Variants in SRGAP3 observed in about 807,000 individuals in gnomAD.
The protein encoded by SRGAP3 is SLIT-ROBO Rho GTPase activating protein 3, also known as SLIT-ROBO Rho GTPase-activating protein 3.
Under a neutral mutation model 121.1 loss-of-function variants are expected in SRGAP3, and 39 were observed. That is an observed-to-expected ratio of 0.32 (90% CI 0.25 to 0.42). The LOEUF is 0.42. Among genes scored for constraint, SRGAP3 ranks in the 10% least tolerant of loss-of-function variants. The pLI is 1.00. For missense variants in SRGAP3, 1,213 were observed against 1,470.6 expected, an observed-to-expected ratio of 0.82 and a Z score of 2.86; for synonymous variants, 601 against 570.0, an observed-to-expected ratio of 1.05 and a Z score of -0.77.
intron 1 of SRGAP3, among the ~76,000 whole-genome samples, chr3:9,182,711 T>C (rs879816284): frequency 2.0e-5 from 3 of 152,206 alleles, no homozygotes; most frequent in Non-Finnish European, 4.4e-5. Flanking sequence ...TGGAGTACAG[T>C]GGCACAATCA....
At chr3:9,043,699 A>T (rs1945124734) in intron 10 of SRGAP3, among the ~76,000 whole-genome samples, 1 of 152,106 alleles carries the variant, frequency 6.6e-6, no homozygotes, top group Non-Finnish European at 1.5e-5. Flanking sequence ...GGATTTTAAA[A>T]ATATATTTTA....
At chr3:9,160,767 T>C (rs1466860013) in intron 1 of SRGAP3, among the ~76,000 whole-genome samples, 2 of 152,234 alleles carry the variant, frequency 1.3e-5, no homozygotes, top group Non-Finnish European at 1.5e-5. Flanking sequence ...TTGGAACAGT[T>C]TCTGGCTTAC....
chr3:9,005,973 G>C (rs917891842), intron 18 of SRGAP3, among the ~76,000 whole-genome samples: 12 of 152,102 alleles, frequency 7.9e-5, no homozygotes, highest in Non-Finnish European at 1.3e-4. Flanking sequence ...AAGAAGGCAG[G>C]GTCCTTCGTA....
intron 3 of SRGAP3, among the ~76,000 whole-genome samples, chr3:9,307,098 G>A (rs1247286128): frequency 3.9e-5 from 6 of 152,062 alleles, no homozygotes; most frequent in Non-Finnish European, 7.4e-5. Flanking sequence ...ACAGCCTCCC[G>A]AGTAGTTGGG....
At chr3:9,057,210 G>A (rs887089596) in intron 7 of SRGAP3, among the ~76,000 whole-genome samples, 1 of 152,132 alleles carries the variant, frequency 6.6e-6, no homozygotes, top group East Asian at 1.9e-4. Context: ...TTACAGACGT[G>A]AGCCACCGCC....
rs767652463 is a variant in SRGAP3, at chr3:9,163,986, C to CTTTTTTTTT, written c.68-39078_68-39070dup. 6.0e-5 allele frequency among the ~76,000 whole-genome samples: 5 copies of CTTTTTTTTT among 83,316 alleles called. 1 individual carries two copies. The highest frequency in any genetic ancestry group is 3.3e-4 in the East Asian group (1 of 3,000). The allele number at this position is 83,316 out of a possible 152,430, so 54.7% of individuals were successfully genotyped here. On this transcript the variant is annotated intron_variant, in intron 1 of 21. Coordinates refer to ENST00000383836, the MANE Select transcript of SRGAP3 (RefSeq NM_014850.4). Reference sequence around the variant, plus strand: ...TTTAATGCTCCCAGCAACTACTATTCTTTTTTTTTTTTTTTTTTTTTTTTT... The same window carrying CTTTTTTTTT: ...TTTAATGCTCCCAGCAACTACTATTCTTTTTTTTTTTTTTTTTTTTTTTTTTTTTTTTTT...
chr3:9,131,371 TG>T (rs1021943177), intron 1 of SRGAP3, among the ~76,000 whole-genome samples: 99 of 150,702 alleles, frequency 6.6e-4, no homozygotes, highest in African/African-American at 2.0e-3. Context: ...CCTCACTGCA[TG>T]GTGCAGTCTC....
At chr3:9,201,643 C>T (rs990599516) in intron 1 of SRGAP3, among the ~76,000 whole-genome samples, 2 of 152,188 alleles carry the variant, frequency 1.3e-5, no homozygotes, top group African/African-American at 4.8e-5. Flanking sequence ...CAAGAGACGC[C>T]TTATGAGGCT....
chr3:9,348,240 A>G (rs1440971027), intron 1 of SRGAP3, among the ~76,000 whole-genome samples: 1 of 152,224 alleles, frequency 6.6e-6, no homozygotes, highest in East Asian at 1.9e-4. Context: ...AATGACATCT[A>G]TGAGAGTCCC....
intron 18 of SRGAP3, among the ~76,000 whole-genome samples, chr3:9,001,979 C>T (rs1942797836): frequency 6.6e-6 from 1 of 152,044 alleles, no homozygotes; most frequent in East Asian, 1.9e-4. Flanking sequence ...GACTTCAATA[C>T]CCCATTCTCA....
chr3:9,190,654 A>T (rs942493468), intron 1 of SRGAP3, among the ~76,000 whole-genome samples: 10 of 152,284 alleles, frequency 6.6e-5, no homozygotes, highest in African/African-American at 2.2e-4. Flanking sequence ...TTTTTGTTTC[A>T]TTAGGTTTTA....
intron 1 of SRGAP3, among the ~76,000 whole-genome samples, chr3:9,172,805 G>A (rs963322520): frequency 6.6e-6 from 1 of 152,348 alleles, no homozygotes; most frequent in Admixed American, 6.5e-5. Context: ...GGAGTGAGAA[G>A]GGCAAGCGCA....
rs149351504 is a variant in SRGAP3, at chr3:9,132,939, C to T, written c.68-8022G>A. Among the ~76,000 whole-genome samples, 41 of 151,120 alleles carry T rather than the reference C, an allele frequency of 2.7e-4. No individual in the cohort carries two copies. In the East Asian group the frequency reaches 7.4e-3, roughly 27 times the overall value. On this transcript the variant is annotated intron_variant, in intron 1 of 21. Coordinates refer to ENST00000383836, the MANE Select transcript of SRGAP3 (RefSeq NM_014850.4). ...TCTATCAACCACCTAGTTCCCCTCTCGCAAAACAACCAAACTACCATGATC... is the reference window on the plus strand; with the variant it reads ...TCTATCAACCACCTAGTTCCCCTCTTGCAAAACAACCAAACTACCATGATC...
intron 11 of SRGAP3, chr3:9,034,620 A>G (rs528899077): frequency 1.3e-4 from 20 of 152,278 alleles, no homozygotes; most frequent in Non-Finnish European, 2.8e-4. Flanking sequence ...ATAACAGCAC[A>G]GATCAAAATT....
chr3:9,268,065 A>C (rs1433215859), intron 3 of SRGAP3, among the ~76,000 whole-genome samples: 1 of 152,200 alleles, frequency 6.6e-6, no homozygotes, highest in Non-Finnish European at 1.5e-5. Context: ...GCCCTCATCC[A>C]ACAACCCAGG....
chr3:9,052,588 C>T (rs1356182614), intron 9 of SRGAP3, among the ~76,000 whole-genome samples: 1 of 152,224 alleles, frequency 6.6e-6, no homozygotes, highest in African/African-American at 2.4e-5. Flanking sequence ...TGGGATTTTA[C>T]ATGAAGGGCT....
chr3:9,311,546 A>G (rs1235719832), intron 3 of SRGAP3, among the ~76,000 whole-genome samples: 2 of 152,252 alleles, frequency 1.3e-5, no homozygotes, highest in Non-Finnish European at 1.5e-5. Context: ...ACATCAATAT[A>G]CCAATGAATG....
chr3:8,999,760 C>T (rs896515257), intron 18 of SRGAP3, among the ~76,000 whole-genome samples: 3 of 152,128 alleles, frequency 2.0e-5, no homozygotes, highest in East Asian at 1.9e-4. Context: ...TCTTTGCATT[C>T]GGTGGTGGCA....
chr3:9,231,039 G>C (rs1953191402), intron 1 of SRGAP3, among the ~76,000 whole-genome samples: 1 of 152,096 alleles, frequency 6.6e-6, no homozygotes, highest in Non-Finnish European at 1.5e-5. Context: ...TCAGGGTCTT[G>C]GAGGTACCAC....
Sources: allele counts gnomAD v4.1 joint callset (sites outside exome capture counted in the v4.1 genomes callset), GRCh38; gene constraint gnomAD v4.1.1; transcripts MANE v1.5; gene names NCBI Gene and HGNC (gene_info 2026-07-23, HGNC 2026-07-21).